ERG: variants seen among roughly 807,000 people sequenced by gnomAD.
ERG encodes the protein transcriptional regulator ERG.
A neutral mutation model predicts 55.3 loss-of-function variants in ERG; 9 were observed. That is an observed-to-expected ratio of 0.16 (90% confidence interval 0.10 to 0.28). ERG has a LOEUF of 0.28. ERG is among the 10% of genes least tolerant of loss of function. ERG has a pLI of 1.00. For missense variants in ERG, 434 were observed against 631.6 expected, an observed-to-expected ratio of 0.69 and a Z score of 3.35; for synonymous variants, 223 against 237.3, an observed-to-expected ratio of 0.94 and a Z score of 0.55.
chr21:38,483,930 C>T (rs113644402), intron 1 of ERG, among the ~76,000 whole-genome samples: 14 of 152,162 alleles, frequency 9.2e-5, no homozygotes, highest in African/African-American at 1.9e-4. Flanking sequence ...GTGCCAGCCA[C>T]ATCACTGATT....
At chr21:38,643,915 T>C (rs909441470) in intron 1 of ERG, among the ~76,000 whole-genome samples, 3 of 152,216 alleles carry the variant, frequency 2.0e-5, no homozygotes, top group African/African-American at 7.2e-5. Context: ...AGTGAGTAAC[T>C]GAAAACCAAG....
At chr21:38,512,264 C>CA (rs1250788303) in intron 2 of ERG, among the ~76,000 whole-genome samples, 2 of 152,120 alleles carry the variant, frequency 1.3e-5, no homozygotes, top group Admixed American at 1.3e-4. Context: ...AACCACCACA[C>CA]AATATTTGGG....
At chr21:38,580,202 G>A (rs978148535) in intron 1 of ERG, among the ~76,000 whole-genome samples, 6 of 151,264 alleles carry the variant, frequency 4.0e-5, no homozygotes, top group Admixed American at 2.0e-4. Context: ...ATCCACCCAC[G>A]TTGGCCTCCC....
intron 1 of ERG, among the ~76,000 whole-genome samples, chr21:38,455,494 A>G (rs2058979578): frequency 6.6e-6 from 1 of 152,144 alleles, no homozygotes; most frequent in South Asian, 2.1e-4. Flanking sequence ...TCTCCTCTTC[A>G]GAAGGAGCTC....
intron 3 of ERG, among the ~76,000 whole-genome samples, chr21:38,420,450 C>T (rs1009142552): frequency 3.9e-5 from 6 of 152,148 alleles, no homozygotes; most frequent in Admixed American, 2.0e-4. Context: ...CCTACACTGG[C>T]GTGAAGCAAC....
intron 2 of ERG, among the ~76,000 whole-genome samples, chr21:38,546,035 T>C (rs2059785829): frequency 6.6e-6 from 1 of 152,050 alleles, no homozygotes. Context: ...GAGCCTAGAG[T>C]CATCTTTAAC....
chr21:38,472,529 T>A lies in ERG; in HGVS notation c.18+25834A>T, dbSNP rs554908441. On this transcript the variant is annotated intron_variant, in intron 1 of 9. Transcript: ENST00000288319. Reference sequence around the variant, plus strand: ...TATTTGTAACTTCTAAAACTCTAACTCTCCCCTGAAAACACGTCCTAAGAG... The same window carrying A: ...TATTTGTAACTTCTAAAACTCTAACACTCCCCTGAAAACACGTCCTAAGAG... Among the ~76,000 whole-genome samples the A allele has an allele frequency of 3.3e-5, 5 of 151,924 alleles. No homozygotes were observed. The East Asian group carries it at 7.7e-4, about 23-fold the overall frequency.
At chr21:38,509,348 G>A (rs942072835) in intron 2 of ERG, among the ~76,000 whole-genome samples, 9 of 152,220 alleles carry the variant, frequency 5.9e-5, no homozygotes, top group African/African-American at 1.7e-4. Flanking sequence ...AAGCATTGTC[G>A]GTCACTGGAG....
upstream of ERG, among the ~76,000 whole-genome samples, chr21:38,500,231 C>T (rs2059411227): frequency 6.6e-6 from 1 of 152,232 alleles, no homozygotes; most frequent in South Asian, 2.1e-4. Context: ...CTTTACCAAA[C>T]ACCAGCTTTA....
chr21:38,480,157 G>A (rs957985980), intron 1 of ERG, among the ~76,000 whole-genome samples: 2 of 152,166 alleles, frequency 1.3e-5, no homozygotes, highest in African/African-American at 2.4e-5. Flanking sequence ...GTCCTGGGTG[G>A]AGCAGGGCAG....
intron 2 of ERG, among the ~76,000 whole-genome samples, chr21:38,564,303 GA>G (rs1192701937): frequency 6.6e-6 from 1 of 151,728 alleles, no homozygotes; most frequent in Non-Finnish European, 1.5e-5. Flanking sequence ...GAATAAAATA[GA>G]TAAAATTTTC....
chr21:38,451,507 T>C (rs1341193487), intron 1 of ERG, among the ~76,000 whole-genome samples: 1 of 152,226 alleles, frequency 6.6e-6, no homozygotes, highest in Non-Finnish European at 1.5e-5. Flanking sequence ...ATAAATATGC[T>C]GGAGCCTATG....
intron 1 of ERG, among the ~76,000 whole-genome samples, chr21:38,455,110 CTTTCTTTCTT>C (rs770920006): frequency 0.012 from 501 of 41,264 alleles, 8 homozygotes; most frequent in East Asian, 0.059. Context: ...TTCTTTCTTT[CTTTCTTTCTT>C]TTTTTTTTTT....
chr21:38,535,379 T>C (rs2059702250), intron 2 of ERG, among the ~76,000 whole-genome samples: 1 of 152,216 alleles, frequency 6.6e-6, no homozygotes, highest in Admixed American at 6.5e-5. Context: ...TTAACACTAC[T>C]GAACTGTAAA....
intron 1 of ERG, among the ~76,000 whole-genome samples, chr21:38,492,144 A>C (rs1461913074): frequency 6.6e-6 from 1 of 152,234 alleles, no homozygotes; most frequent in Non-Finnish European, 1.5e-5. Context: ...GATAAAGAGA[A>C]GGGAGACAGA....
Position 38,382,324 on chromosome 21 carries a change from G to A in ERG, c.*1079C>T. 9.5e-7 allele frequency: 1 copy of A among 1,057,210 alleles called. No homozygotes were observed. Among genetic ancestry groups the A allele is most frequent in the Non-Finnish European group, 1.1e-6 (1 of 874,004 alleles). 65.5% of individuals were successfully genotyped at this position (1,057,210 alleles called of 1,614,324 possible). ...AAACTGGAGGCCGCCTACCCAAAAT[G>A]CCTGCGTGATTTCTGATTGTGGCAG... On this transcript the variant is annotated 3_prime_UTR_variant, in exon 10 of 10. Transcript: ENST00000288319.
rs1290704461 is a variant in ERG, at chr21:38,459,379, T to C, written c.19-13758A>G. ...CAGTTTTCCAATGTAAGATTTATTA[T>C]GTAACAGTTTTGAAAGTAGTGTCTG... On this transcript the variant is annotated intron_variant, in intron 1 of 9. Transcript: ENST00000288319. Among the ~76,000 whole-genome samples the C allele has an allele frequency of 2.6e-5, 4 of 152,244 alleles. No individual in the cohort carries two copies. In the East Asian group the frequency reaches 5.8e-4, roughly 22 times the overall value.
At chr21:38,565,080 C>T (rs908926453) in intron 2 of ERG, among the ~76,000 whole-genome samples, 2 of 152,132 alleles carry the variant, frequency 1.3e-5, no homozygotes, top group Non-Finnish European at 2.9e-5. Flanking sequence ...CATCATATAC[C>T]CAGTTACAAA....
intron 2 of ERG, among the ~76,000 whole-genome samples, chr21:38,427,524 C>G (rs1336751242): frequency 6.6e-6 from 1 of 152,190 alleles, no homozygotes; most frequent in Non-Finnish European, 1.5e-5. Context: ...ACTCAAAACA[C>G]AAGGGGCTGG....
Sources: allele counts gnomAD v4.1 joint callset (sites outside exome capture counted in the v4.1 genomes callset), GRCh38; gene constraint gnomAD v4.1.1; transcripts MANE v1.5; gene names NCBI Gene and HGNC (gene_info 2026-07-23, HGNC 2026-07-21).